RASGRF2: variants seen among roughly 807,000 people sequenced by gnomAD.
RASGRF2 encodes the protein ras-specific guanine nucleotide-releasing factor 2.
RASGRF2 carries 76 observed loss-of-function variants against 151.0 expected under a neutral mutation model. The ratio of observed to expected loss-of-function variants is 0.50; its 90% confidence interval spans 0.42 to 0.61. The LOEUF (loss-of-function observed/expected upper bound fraction) is 0.61, where lower values mean the gene tolerates loss of function less well. RASGRF2 is among the 20% of genes least tolerant of loss of function. RASGRF2 has a pLI of 0.00. For synonymous variants in RASGRF2, 504 were observed against 566.5 expected (o/e 0.89, Z 1.57); for missense variants, 1,148 against 1,564.6 (o/e 0.73, Z 4.49).
chr5:81,159,490 A>G (rs1754334355), intron 17 of RASGRF2, among the ~76,000 whole-genome samples: 1 of 152,248 alleles, frequency 6.6e-6, no homozygotes, highest in Non-Finnish European at 1.5e-5. Flanking sequence ...CCTTTACGGG[A>G]TGTTACATTA....
At chr5:80,996,695 G>A (rs1232114807) in intron 1 of RASGRF2, among the ~76,000 whole-genome samples, 1 of 149,696 alleles carries the variant, frequency 6.7e-6, no homozygotes, top group African/African-American at 2.5e-5. Context: ...CACCTCCTGG[G>A]TTCAAGTGAT....
intron 1 of RASGRF2, among the ~76,000 whole-genome samples, chr5:81,009,644 A>G (rs1749391971): frequency 6.6e-6 from 1 of 152,264 alleles, no homozygotes; most frequent in Admixed American, 6.5e-5. Context: ...TTTATAAGGA[A>G]TAATTAAAAA....
chr5:81,165,204 G>A (rs1754478496), intron 17 of RASGRF2, among the ~76,000 whole-genome samples: 1 of 152,194 alleles, frequency 6.6e-6, no homozygotes, highest in Non-Finnish European at 1.5e-5. Context: ...ACCCTGGGGA[G>A]GAGGAGATGG....
At chr5:81,092,593 CA>C (rs1752420968) in intron 9 of RASGRF2, among the ~76,000 whole-genome samples, 2 of 152,138 alleles carry the variant, frequency 1.3e-5, no homozygotes, top group Non-Finnish European at 2.9e-5. Context: ...AAGTGTTTCA[CA>C]AAAATATTAG....
At position 81,180,275 on chromosome 5, in the gene RASGRF2, C is replaced by T. The variant is rs1464510132; in HGVS notation, c.2787C>T (p.His929=). 15 of 1,596,282 alleles carry T rather than the reference C, an allele frequency of 9.4e-6. No homozygotes were observed. The highest frequency in any genetic ancestry group is 3.3e-5 in the Admixed American group (2 of 59,898). The change falls in exon 18 of 27, where the codon CAC becomes CAT. Residue 929 remains histidine (H), a synonymous_variant. Transcript: ENST00000265080. The part of the protein sequence containing the change: ...LNVLRHWVSK[H]AQDFELNNEL... ...TCCTCCGTCACTGGGTCTCAAAGCACGCACAGGTAAGTCAGTGCCCTCATT... is the reference window on the plus strand; with the variant it reads ...TCCTCCGTCACTGGGTCTCAAAGCATGCACAGGTAAGTCAGTGCCCTCATT...
intron 12 of RASGRF2, among the ~76,000 whole-genome samples, chr5:81,103,519 A>C (rs1409581001): frequency 6.6e-6 from 1 of 152,106 alleles, no homozygotes; most frequent in Non-Finnish European, 1.5e-5. Flanking sequence ...GATTCAAGGG[A>C]ATAGAAAAGA....
chr5:81,154,540 T>C (rs985424578), intron 17 of RASGRF2, among the ~76,000 whole-genome samples: 7 of 152,162 alleles, frequency 4.6e-5, no homozygotes, highest in Admixed American at 4.6e-4. Context: ...AGAATATACA[T>C]TATTTAAGGA....
chr5:81,124,140 T>C (rs1271929032), intron 16 of RASGRF2, among the ~76,000 whole-genome samples: 1 of 152,186 alleles, frequency 6.6e-6, no homozygotes, highest in East Asian at 1.9e-4. Context: ...TACAGGAAAA[T>C]ATGCATAGAT....
chr5:81,087,450 G>A (rs1252038428), intron 9 of RASGRF2: 3 of 640,156 alleles, frequency 4.7e-6, no homozygotes, highest in Admixed American at 2.3e-5. Context: ...GGTAACTCCC[G>A]TTGCCAGATG....
chr5:80,985,773 G>C (rs1216538270), intron 1 of RASGRF2, among the ~76,000 whole-genome samples: 1 of 152,136 alleles, frequency 6.6e-6, no homozygotes, highest in African/African-American at 2.4e-5. Context: ...GGAGGGGGTG[G>C]AGTATTATGG....
rs34991044 is a variant in RASGRF2, at chr5:81,061,997, CAAAAAAAAA to C, written c.396-6016_396-6008del. Among the ~76,000 whole-genome samples, 6 of 44,004 alleles carry C rather than the reference CAAAAAAAAA, an allele frequency of 1.4e-4. No homozygotes were observed. The South Asian group carries it at 2.5e-3, about 18-fold the overall frequency. 28.9% of individuals were successfully genotyped at this position (44,004 alleles called of 152,430 possible). Reference sequence around the variant, plus strand: ...AGCCACCACACCTGATCCCAGCTGACAAAAAAAAAAAAAAAAAAAAAAAAAAACTGTAGA... The same window carrying C: ...AGCCACCACACCTGATCCCAGCTGACAAAAAAAAAAAAAAAAAACTGTAGA... On this transcript the variant is annotated intron_variant, in intron 2 of 26. Transcript: ENST00000265080.
chr5:81,080,173 A>G lies in RASGRF2; in HGVS notation c.940A>G (p.Ile314Val). 6.3e-7 allele frequency: 1 copy of G among 1,599,732 alleles called. No individual in the cohort carries two copies. The highest frequency in any genetic ancestry group is 8.5e-7 in the Non-Finnish European group (1 of 1,177,052). ...EIFHQGLKAR[I>V]ANWPTLILAD... ...ATTTCATCAAGGACTAAAGGCAAGGATAGCAAACTGGCCCACTTTAATTTT... is the reference window on the plus strand; with the variant it reads ...ATTTCATCAAGGACTAAAGGCAAGGGTAGCAAACTGGCCCACTTTAATTTT... The change falls in exon 6 of 27, where the codon ATA becomes GTA. Residue 314 changes from isoleucine to valine, a missense_variant. Coordinates refer to ENST00000265080, the MANE Select transcript of RASGRF2 (RefSeq NM_006909.3).
chr5:81,051,313 A>G (rs1751002567), intron 2 of RASGRF2, among the ~76,000 whole-genome samples: 1 of 152,170 alleles, frequency 6.6e-6, no homozygotes, highest in Admixed American at 6.5e-5. Context: ...TGCTTTTTAA[A>G]AATATTTTTT....
intron 15 of RASGRF2, among the ~76,000 whole-genome samples, chr5:81,116,271 C>T (rs1015263138): frequency 5.9e-5 from 9 of 151,590 alleles, no homozygotes; most frequent in South Asian, 2.1e-4. Context: ...TTAGTAGAGA[C>T]GGGCTTTCAC....
intron 1 of RASGRF2, among the ~76,000 whole-genome samples, chr5:80,962,817 T>A (rs1032481842): frequency 1.8e-4 from 28 of 152,376 alleles, no homozygotes; most frequent in African/African-American, 6.7e-4. Flanking sequence ...CTAATGGTTG[T>A]CCTAAATAGG....
chr5:81,045,440 C>T (rs1750806292), intron 2 of RASGRF2, among the ~76,000 whole-genome samples: 1 of 152,124 alleles, frequency 6.6e-6, no homozygotes, highest in South Asian at 2.1e-4. Context: ...TTATCATCTA[C>T]AGGAAACTGA....
intron 17 of RASGRF2, among the ~76,000 whole-genome samples, chr5:81,144,873 C>T (rs1753967621): frequency 6.6e-6 from 1 of 152,070 alleles, no homozygotes; most frequent in African/African-American, 2.4e-5. Flanking sequence ...GCTCTTCTAA[C>T]CACCACCCTA....
chr5:81,042,769 C>A, intron 1 of RASGRF2, 108 bp from the exon 2 acceptor site: 2 of 743,724 alleles, frequency 2.7e-6, no homozygotes, highest in Non-Finnish European at 4.4e-6. Flanking sequence ...TTTGCATAAG[C>A]ACTGATGCAT....
chr5:81,188,261 G>T (rs1055863256), intron 18 of RASGRF2, among the ~76,000 whole-genome samples: 1 of 152,196 alleles, frequency 6.6e-6, no homozygotes, highest in Non-Finnish European at 1.5e-5. Context: ...GCATATGGGG[G>T]CCTGACCTTT....
Sources: allele counts gnomAD v4.1 joint callset (sites outside exome capture counted in the v4.1 genomes callset), GRCh38; gene constraint gnomAD v4.1.1; transcripts MANE v1.5; gene names NCBI Gene and HGNC (gene_info 2026-07-23, HGNC 2026-07-21).